PTPRS: variants seen among roughly 807,000 people sequenced by gnomAD.
PTPRS encodes receptor-type tyrosine-protein phosphatase S.
Under a neutral mutation model 215.3 loss-of-function variants are expected in PTPRS, and 63 were observed. The ratio of observed to expected loss-of-function variants is 0.29; its 90% CI spans 0.24 to 0.36. The LOEUF (loss-of-function observed/expected upper bound fraction) is 0.36, where lower values mean the gene tolerates loss of function less well. Among genes scored for constraint, PTPRS ranks in the 10% least tolerant of loss-of-function variants. The probability of loss-of-function intolerance (pLI) is 1.00; values close to 1 mark genes in which losing one functional copy is unlikely to be tolerated. For missense variants in PTPRS, 2,258 were observed against 2,825.8 expected (o/e 0.80, Z 4.56); for synonymous variants, 1,404 against 1,191.4 (o/e 1.18, Z -3.68).
intron 4 of PTPRS, among the ~76,000 whole-genome samples, chr19:5,271,511 T>A (rs1184033386): frequency 1.3e-5 from 2 of 150,732 alleles, no homozygotes; most frequent in African/African-American, 4.9e-5. Flanking sequence ...GATCCTCTCC[T>A]GCCTCAGCCT....
In PTPRS at chr19:5,223,032, G is replaced by A. The variant is rs778480351; in HGVS notation, c.2760C>T (p.Val920=). ...RGGLGEEAAE[V]LSIPEDTPRG... Reference sequence around the variant, plus strand: ...GGGGCGTGTCCTCCGGGATGCTCAGGACCTCGGCTGCCTCCTCGCCCAGGC... The same window carrying A: ...GGGGCGTGTCCTCCGGGATGCTCAGAACCTCGGCTGCCTCCTCGCCCAGGC... Residue 920 remains valine (V), a synonymous_variant, in exon 18 of 38, where the codon GTC becomes GTT. Coordinates refer to ENST00000262963, the MANE Select transcript of PTPRS (RefSeq NM_002850.4). The A allele has an allele frequency of 3.2e-6, 5 of 1,546,632 alleles. No homozygotes were observed. The highest frequency in any genetic ancestry group is 4.9e-5 in the East Asian group (2 of 41,142).
At chr19:5,324,226 C>CAAAAAAA (rs55793961) in intron 1 of PTPRS, among the ~76,000 whole-genome samples, 1 of 73,876 alleles carries the variant, frequency 1.4e-5, no homozygotes, top group Non-Finnish European at 2.7e-5. Flanking sequence ...AACCCTGCCT[C>CAAAAAAA]AAAAAAAAAA....
intron 24 of PTPRS, 77 bp from the exon 25 acceptor site, chr19:5,218,609 A>G: frequency 6.5e-7 from 1 of 1,538,016 alleles, no homozygotes. Flanking sequence ...GGCCCCAGGA[A>G]TGCATGGTAA....
chr19:5,283,934 G>A (rs923455515), intron 2 of PTPRS, among the ~76,000 whole-genome samples: 1 of 152,130 alleles, frequency 6.6e-6, no homozygotes, highest in Admixed American at 6.6e-5. Flanking sequence ...ACTTAGCCAG[G>A]CCAGGCACTG....
intron 1 of PTPRS, among the ~76,000 whole-genome samples, chr19:5,329,585 G>T (rs1451428965): frequency 6.6e-6 from 1 of 151,732 alleles, no homozygotes; most frequent in East Asian, 1.9e-4. Context: ...CTAACACAGT[G>T]AAACTCTGTC....
intron 9 of PTPRS, among the ~76,000 whole-genome samples, chr19:5,252,580 A>C (rs976499060): frequency 1.1e-4 from 16 of 147,792 alleles, no homozygotes; most frequent in Non-Finnish European, 2.2e-4. Flanking sequence ...CTGTCAAAAA[A>C]AAAAAAAAAA....
At chr19:5,256,190 C>G (rs1599731908) in intron 8 of PTPRS, 71 bp from the exon 9 acceptor site, 5 of 1,295,778 alleles carry the variant, frequency 3.9e-6, no homozygotes, top group South Asian at 1.7e-5. Flanking sequence ...AGGGGAGATA[C>G]AGAGAGTAAA....
At chr19:5,305,746 A>AATAAATAAAT (rs71172708) in intron 1 of PTPRS, among the ~76,000 whole-genome samples, 2 of 105,744 alleles carry the variant, frequency 1.9e-5, no homozygotes, top group Non-Finnish European at 3.7e-5. Context: ...TAAATAAATA[A>AATAAATAAAT]ATATATATAT....
At chr19:5,215,830 G>A (rs1290377934) in intron 26 of PTPRS, among the ~76,000 whole-genome samples, 1 of 152,132 alleles carries the variant, frequency 6.6e-6, no homozygotes, top group Non-Finnish European at 1.5e-5. Context: ...TCCGTGCAGA[G>A]GCTGACACCC....
chr19:5,238,199 C>T lies in PTPRS; in HGVS notation c.1849+720G>A, dbSNP rs370653600. On this transcript the variant is annotated intron_variant, in intron 13 of 37. Coordinates refer to ENST00000262963, the MANE Select transcript of PTPRS (RefSeq NM_002850.4). ...ACGGCAGAAGGGGCCTGTCCAGCTC[C>T]GAGTTTAGAGAAGTCAGGGAGAGAG... 2.1e-4 allele frequency among the ~76,000 whole-genome samples: 32 copies of T among 152,186 alleles called. 1 individual carries two copies. The highest frequency in any genetic ancestry group is 7.0e-4 in the African/African-American group (29 of 41,536).
chr19:5,312,716 A>G (rs1481110247), intron 1 of PTPRS, among the ~76,000 whole-genome samples: 1 of 152,236 alleles, frequency 6.6e-6, no homozygotes, highest in African/African-American at 2.4e-5. Flanking sequence ...AACTGCTAAT[A>G]TTTATAGGTC....
In PTPRS at chr19:5,263,091, A is replaced by T. The variant is rs1599775808; in HGVS notation, c.569-119T>A. The T allele has an allele frequency of 3.9e-6, 3 of 769,276 alleles. No homozygotes were observed. In the East Asian group the frequency reaches 8.4e-5, roughly 22 times the overall value. The allele number at this position is 769,276 out of a possible 1,614,324, so 47.7% of individuals were successfully genotyped here. ...GGGGGAGGGGAGGGGGACGCTCAGA[A>T]TAATAATAACAACATTTCTTATGAT... On this transcript the variant is annotated intron_variant, in intron 5 of 37. Transcript: ENST00000262963.
rs1383557045 is a variant in PTPRS, at chr19:5,294,316, C to G, written c.-94-8082G>C. The G allele has an allele frequency of 6.6e-6, 1 of 152,502 alleles. No homozygotes were observed. Among genetic ancestry groups the G allele is most frequent in the Non-Finnish European group, 1.5e-5 (1 of 68,266 alleles). 9.4% of individuals were successfully genotyped at this position (152,502 alleles called of 1,614,324 possible). On this transcript the variant is annotated intron_variant, in intron 1 of 37. Transcript: ENST00000262963. This position sits in a 1 kb window ranked among gnomAD's most constrained non-coding sequence, Gnocchi z 5.1. ...GCCGAGAAAGAGAGAGAAACGGCTGCCCACGGCCGGGAAGAGCAGGAATTG... is the reference window on the plus strand; with the variant it reads ...GCCGAGAAAGAGAGAGAAACGGCTGGCCACGGCCGGGAAGAGCAGGAATTG...
At chr19:5,265,280 G>T in intron 4 of PTPRS, 84 bp from the exon 5 acceptor site, 2 of 1,330,928 alleles carry the variant, frequency 1.5e-6, no homozygotes, top group Non-Finnish European at 2.1e-6. Flanking sequence ...GGACTGCCTG[G>T]CCACGGGTCC....
chr19:5,264,251 G>A (rs1239590919), intron 5 of PTPRS, among the ~76,000 whole-genome samples: 2 of 152,088 alleles, frequency 1.3e-5, no homozygotes, highest in African/African-American at 4.8e-5. Flanking sequence ...CTGGACACCT[G>A]CCATTGCCTT....
At chr19:5,307,531 A>G (rs2049538434) in intron 1 of PTPRS, among the ~76,000 whole-genome samples, 1 of 152,154 alleles carries the variant, frequency 6.6e-6, no homozygotes, top group African/African-American at 2.4e-5. Flanking sequence ...GGAAGAAAAC[A>G]AGGTACAGAA....
chr19:5,326,638 A>G (rs1190007562), intron 1 of PTPRS, among the ~76,000 whole-genome samples: 2 of 151,734 alleles, frequency 1.3e-5, no homozygotes, highest in East Asian at 3.9e-4. Context: ...GTGAGCTATG[A>G]TCGTGCCACT....
intron 1 of PTPRS, among the ~76,000 whole-genome samples, chr19:5,309,553 G>A (rs2049623846): frequency 6.6e-6 from 1 of 152,236 alleles, no homozygotes; most frequent in South Asian, 2.1e-4. Context: ...TCTCCAGGGA[G>A]AACCAGCCCA....
At position 5,286,066 on chromosome 19, in the gene PTPRS, T is replaced by G. The variant is rs1379433154; in HGVS notation, c.75A>C (p.Gly25=). Residue 25 remains glycine, a synonymous_variant, in exon 2 of 38, where the codon GGA becomes GGC. Transcript: ENST00000262963. ...PMGLLVVLLV[G]GCAAEEPPRF... ...GCTTCTTACCTTCTGCTGCACAGCCTCCAACGAGCAGGACCACAAGGAGGC... is the reference window on the plus strand; with the variant it reads ...GCTTCTTACCTTCTGCTGCACAGCCGCCAACGAGCAGGACCACAAGGAGGC... 2 of 1,613,700 alleles carry G rather than the reference T, an allele frequency of 1.2e-6. No individual in the cohort carries two copies. Among genetic ancestry groups the G allele is most frequent in the Admixed American group, 3.3e-5 (2 of 60,008 alleles).
Sources: gnomAD v4.1 joint callset for allele counts (sites outside exome capture counted in the v4.1 genomes callset) on GRCh38, gnomAD v4.1.1 for gene constraint, Gnocchi (gnomAD v3.1) non-coding constraint, MANE v1.5 for transcripts, NCBI Gene and HGNC (gene_info 2026-07-23, HGNC 2026-07-21) for gene names.